The following MASP1 variants were observed in gnomAD, a reference collection of about 807,000 sequenced individuals.
MASP1 encodes mannan-binding lectin serine protease 1.
Under a neutral mutation model 77.1 loss-of-function variants are expected in MASP1, and 59 were observed. The ratio of observed to expected loss-of-function variants is 0.77; its 90% confidence interval spans 0.62 to 0.95. The LOEUF is 0.95. Among genes scored for constraint, MASP1 ranks in the 40% least tolerant of loss-of-function variants. The pLI, the probability that MASP1 is intolerant of heterozygous loss-of-function variation, is 0.00. For synonymous variants in MASP1, 362 were observed against 354.5 expected (o/e 1.02, Z -0.24); for missense variants, 885 against 912.9 (o/e 0.97, Z 0.39).
chr3:187,279,382 T>C lies in MASP1; in HGVS notation c.237+6443A>G, dbSNP rs2108598557. On this transcript the variant is annotated intron_variant, in intron 2 of 10. Coordinates refer to ENST00000296280, the MANE Select transcript of MASP1 (RefSeq NM_139125.4). ...GCAGGAAGCTGCAAGAGTTGCCAGATTTTCTAATATTCTAAGAGAACTTGG... is the reference window on the plus strand; with the variant it reads ...GCAGGAAGCTGCAAGAGTTGCCAGACTTTCTAATATTCTAAGAGAACTTGG... 1.3e-5 allele frequency among the ~76,000 whole-genome samples: 2 copies of C among 152,334 alleles called. 1 individual carries two copies. Among genetic ancestry groups the C allele is most frequent in the South Asian group, 4.1e-4 (2 of 4,830 alleles).
chr3:187,281,566 A>G (rs1321985262), intron 2 of MASP1, among the ~76,000 whole-genome samples: 4 of 152,244 alleles, frequency 2.6e-5, no homozygotes, highest in South Asian at 2.1e-4. Flanking sequence ...CTGTGATGAC[A>G]TACCACCAAG....
At position 187,235,842 on chromosome 3, in the gene MASP1, G is replaced by C. The variant is rs368168610; in HGVS notation, c.2029C>G (p.Arg677Gly). 2 of 1,614,162 alleles carry C rather than the reference G, an allele frequency of 1.2e-6. No individual in the cohort carries two copies. The highest frequency in any genetic ancestry group is 1.7e-6 in the Non-Finnish European group (2 of 1,180,036). ...GACACCAGGCCTTGCACCACCCAGC[G>C]CTGGCTCAAGTCATCAAAGATGACA... Reference protein sequence around the residue: ...AFVIFDDLSQRWVVQGLVSWG... With the variant: ...AFVIFDDLSQGWVVQGLVSWG... The change falls in exon 11 of 11, where the codon CGC becomes GGC. Residue 677 changes from arginine (R) to glycine (G), a missense_variant. By Grantham distance (125) the Arg-to-Gly change is moderately radical. Coordinates refer to ENST00000296280, the MANE Select transcript of MASP1 (RefSeq NM_139125.4).
At chr3:187,251,587 A>G (rs1240055454) in intron 7 of MASP1, 47 bp downstream of exon 7, 2 of 1,524,812 alleles carry the variant, frequency 1.3e-6, no homozygotes, top group East Asian at 4.5e-5. Flanking sequence ...AGGTTTCGAG[A>G]GTTTCTGTGG....
intron 11 of MASP1, among the ~76,000 whole-genome samples, chr3:187,228,413 C>T (rs1712564931): frequency 6.6e-6 from 1 of 152,286 alleles, no homozygotes; most frequent in South Asian, 2.1e-4. Flanking sequence ...AGTCTTCCCT[C>T]CCTCTGCCCT....
intron 2 of MASP1, among the ~76,000 whole-genome samples, chr3:187,264,218 T>C (rs924831683): frequency 6.6e-6 from 1 of 152,212 alleles, no homozygotes; most frequent in African/African-American, 2.4e-5. Context: ...AAAACGCAAG[T>C]ACAATTAATC....
chr3:187,267,058 T>C (rs372315550), intron 2 of MASP1, among the ~76,000 whole-genome samples: 5 of 152,368 alleles, frequency 3.3e-5, no homozygotes, highest in African/African-American at 9.6e-5. Context: ...ATTGCTCTCC[T>C]TTTATAGATG....
Position 187,235,991 on chromosome 3 carries a change from T to C in MASP1, c.1880A>G (p.His627Arg). ...CTCATAGCTAGTTTTGCACTCAGCGTGAGGCACCACGGGTAACTTGACATA... is the reference window on the plus strand; with the variant it reads ...CTCATAGCTAGTTTTGCACTCAGCGCGAGGCACCACGGGTAACTTGACATA... ...LQYVKLPVVP[H>R]AECKTSYESR... The change falls in exon 11 of 11, where the codon CAC becomes CGC. Residue 627 changes from histidine (H) to arginine (R), a missense_variant. Coordinates refer to ENST00000296280, the MANE Select transcript of MASP1 (RefSeq NM_139125.4). 6.2e-7 allele frequency: 1 copy of C among 1,614,252 alleles called. No homozygotes were observed. Among genetic ancestry groups the C allele is most frequent in the Non-Finnish European group, 8.5e-7 (1 of 1,180,042 alleles).
intron 6 of MASP1, 97 bp downstream of exon 6, chr3:187,253,071 C>T: frequency 2.0e-6 from 3 of 1,533,550 alleles, no homozygotes; most frequent in Non-Finnish European, 2.7e-6. Context: ...ATCAGGTCTC[C>T]AGAGGAGATC....
intron 6 of MASP1, among the ~76,000 whole-genome samples, chr3:187,252,300 C>G (rs1714680517): frequency 6.6e-6 from 1 of 152,186 alleles, no homozygotes; most frequent in South Asian, 2.1e-4. Context: ...ATTTGCGCCC[C>G]TGTAATTTTC....
chr3:187,229,151 G>A (rs1712615867), downstream of MASP1, among the ~76,000 whole-genome samples: 1 of 152,216 alleles, frequency 6.6e-6, no homozygotes, highest in Non-Finnish European at 1.5e-5. Flanking sequence ...GTCAGGGAGA[G>A]CCATCGGCTG....
intron 3 of MASP1, among the ~76,000 whole-genome samples, chr3:187,261,463 A>G (rs763427638): frequency 2.6e-5 from 4 of 152,234 alleles, no homozygotes; most frequent in Non-Finnish European, 5.9e-5. Context: ...CAACAAGCAC[A>G]TGAAAAGATG....
At position 187,251,719 on chromosome 3, in the gene MASP1, T is replaced by A. The variant is rs374850715; in HGVS notation, c.926A>T (p.His309Leu). The A allele has an allele frequency of 1.2e-6, 2 of 1,613,962 alleles. No homozygotes were observed. Among genetic ancestry groups the A allele is most frequent in the Non-Finnish European group, 8.5e-7 (1 of 1,179,980 alleles). ...GGCTTGGGAGGGCTCGATTTTCCCA[T>A]GGACAGGAGGCTGTAGCTCTGGGCA... ...NECPELQPPV[H>L]GKIEPSQAKY... The change falls in exon 7 of 11, where the codon CAT becomes CTT. Residue 309 changes from histidine (H) to leucine (L), a missense_variant. Coordinates refer to ENST00000296280, the MANE Select transcript of MASP1 (RefSeq NM_139125.4).
chr3:187,238,398 C>T (rs1462972504), intron 10 of MASP1, among the ~76,000 whole-genome samples: 1 of 152,172 alleles, frequency 6.6e-6, no homozygotes, highest in Non-Finnish European at 1.5e-5. Flanking sequence ...TGTTTTTCTC[C>T]TTGATGTGTT....
Position 187,234,121 on chromosome 3 carries a change from C to T in MASP1, c.*1563G>A, listed in dbSNP as rs1207243986. On this transcript the variant is annotated 3_prime_UTR_variant, in exon 11 of 11. Transcript: ENST00000296280. ...GAGGGTTTATTTCCACTTGAGACCC[C>T]TGATGGGAGCAACAATGCAGAGGCC... 1.6e-6 allele frequency: 2 copies of T among 1,285,444 alleles called. No homozygotes were observed. The highest frequency in any genetic ancestry group is 2.0e-6 in the Non-Finnish European group (2 of 987,302). The allele number at this position is 1,285,444 out of a possible 1,614,324, so 79.6% of individuals were successfully genotyped here. A position where few individuals can be genotyped will look rare whatever the true frequency, so the allele number is the denominator to read the frequency against.
At chr3:187,258,902 G>T (rs1242956731) in intron 4 of MASP1, among the ~76,000 whole-genome samples, 1 of 152,180 alleles carries the variant, frequency 6.6e-6, no homozygotes, top group Non-Finnish European at 1.5e-5. Flanking sequence ...TCTGGTGGTG[G>T]TAGGGTGGGT....
chr3:187,266,635 A>G (rs1716046121), intron 2 of MASP1, among the ~76,000 whole-genome samples: 1 of 152,154 alleles, frequency 6.6e-6, no homozygotes, highest in Admixed American at 6.5e-5. Context: ...GGCCTGGGGT[A>G]TTCAAATCTC....
intron 2 of MASP1, among the ~76,000 whole-genome samples, chr3:187,278,172 G>T (rs1475942736): frequency 1.3e-5 from 2 of 152,216 alleles, no homozygotes; most frequent in Non-Finnish European, 2.9e-5. Context: ...AGATGGAGAA[G>T]AAAATCTTAG....
chr3:187,288,421 A>G (rs1718030055), intron 1 of MASP1, among the ~76,000 whole-genome samples: 1 of 152,232 alleles, frequency 6.6e-6, no homozygotes, highest in East Asian at 1.9e-4. Context: ...GCCCTGGGTC[A>G]AAAGAGCTAG....
At chr3:187,229,729 T>C, downstream of MASP1, 1 of 1,612,936 alleles carries the variant, frequency 6.2e-7, no homozygotes, top group Non-Finnish European at 8.5e-7. Context: ...GTTCAGTTCC[T>C]TAGCTTCCAC....
Sources: allele counts gnomAD v4.1 joint callset (sites outside exome capture counted in the v4.1 genomes callset), GRCh38; gene constraint gnomAD v4.1.1; transcripts MANE v1.5; gene names NCBI Gene and HGNC (gene_info 2026-07-23, HGNC 2026-07-21).